Variants in RANBP2 observed in about 807,000 individuals in gnomAD.
RANBP2 encodes the protein RAN binding protein 2, also known as E3 SUMO-protein ligase RanBP2.
Under a neutral mutation model 303.6 loss-of-function variants are expected in RANBP2, and 57 were observed. The ratio of observed to expected loss-of-function variants is 0.19; its 90% CI spans 0.15 to 0.23. The LOEUF (loss-of-function observed/expected upper bound fraction) is 0.23, where lower values mean the gene tolerates loss of function less well. RANBP2 is among the 10% of genes least tolerant of loss of function. The pLI, the probability that RANBP2 is intolerant of heterozygous loss-of-function variation, is 1.00. For missense variants in RANBP2, 3,138 were observed against 3,780.8 expected (o/e 0.83, Z 4.46); for synonymous variants, 1,167 against 1,301.5 (o/e 0.90, Z 2.23).
At chr2:109,190,186 T>A in the RANBP2 span, among the ~76,000 whole-genome samples, 1 of 152,236 alleles carries the variant, frequency 6.6e-6, no homozygotes, top group Non-Finnish European at 1.5e-5. Context: ...TATTTTTTTT[T>A]TTTTGAGACG....
the RANBP2 span, among the ~76,000 whole-genome samples, chr2:109,136,932 C>T: frequency 6.6e-6 from 1 of 152,166 alleles, no homozygotes; most frequent in East Asian, 1.9e-4. Context: ...CATCTTTACC[C>T]TGGTTCAAGG....
the RANBP2 span, among the ~76,000 whole-genome samples, chr2:108,872,038 A>G: frequency 5.9e-5 from 9 of 152,224 alleles, no homozygotes; most frequent in South Asian, 1.7e-3. Flanking sequence ...CACCAATTTA[A>G]AGAGGTACTT....
chr2:109,107,400 C>G, the RANBP2 span, among the ~76,000 whole-genome samples: 1 of 152,114 alleles, frequency 6.6e-6, no homozygotes, highest in African/African-American at 2.4e-5. Context: ...AGCCAGTATG[C>G]TGGCCGAGTA....
chr2:109,181,361 T>C, the RANBP2 span, among the ~76,000 whole-genome samples: 1 of 152,176 alleles, frequency 6.6e-6, no homozygotes, highest in African/African-American at 2.4e-5. Flanking sequence ...AATTACAGGT[T>C]TTACCAGGGT....
the RANBP2 span, among the ~76,000 whole-genome samples, chr2:108,857,482 G>A: frequency 3.9e-5 from 6 of 152,142 alleles, no homozygotes; most frequent in Non-Finnish European, 8.8e-5. Flanking sequence ...AACACAAGTA[G>A]AACTGAGACT....
chr2:109,012,422 T>C, the RANBP2 span, among the ~76,000 whole-genome samples: 1 of 152,104 alleles, frequency 6.6e-6, no homozygotes, highest in Non-Finnish European at 1.5e-5. Flanking sequence ...CCACAGAATC[T>C]ACCTTGAATC....
At chr2:109,012,777 G>A in the RANBP2 span, among the ~76,000 whole-genome samples, 7 of 152,200 alleles carry the variant, frequency 4.6e-5, no homozygotes, top group African/African-American at 1.4e-4. Context: ...AGCCGGGCGT[G>A]TTGGCGGGAG....
chr2:109,243,650 G>A, the RANBP2 span, among the ~76,000 whole-genome samples: 2 of 152,168 alleles, frequency 1.3e-5, no homozygotes, highest in Admixed American at 6.5e-5. Flanking sequence ...CTGAAGATAT[G>A]AGTGGTGAGA....
At chr2:108,989,817 G>C in the RANBP2 span, among the ~76,000 whole-genome samples, 15 of 151,534 alleles carry the variant, frequency 9.9e-5, no homozygotes, top group Non-Finnish European at 1.9e-4. Context: ...TAAATGATTG[G>C]GGGGGGGAAA....
At chr2:108,805,523 A>G in the RANBP2 span, among the ~76,000 whole-genome samples, 52 of 151,896 alleles carry the variant, frequency 3.4e-4, no homozygotes, top group Middle Eastern at 3.4e-3. Flanking sequence ...CAGGAGTTCG[A>G]GACCATCCTG....
At chr2:109,664,844 T>C in the RANBP2 span, among the ~76,000 whole-genome samples, 1 of 151,686 alleles carries the variant, frequency 6.6e-6, no homozygotes, top group Non-Finnish European at 1.5e-5. Context: ...GCAGGAGAAC[T>C]GCTTGAACCT....
chr2:109,623,245 C>G, the RANBP2 span, among the ~76,000 whole-genome samples: 1 of 152,154 alleles, frequency 6.6e-6, no homozygotes, highest in African/African-American at 2.4e-5. Flanking sequence ...GCCTGTAAAT[C>G]CCTAGTGGCC....
chr2:109,342,536 T>C, the RANBP2 span, among the ~76,000 whole-genome samples: 3 of 152,032 alleles, frequency 2.0e-5, no homozygotes, highest in Non-Finnish European at 4.4e-5. Context: ...ATCCTTAGGG[T>C]CTTAAACACA....
rs1479904023 is a variant in RANBP2, at chr2:108,765,166, A to G, written c.4627A>G (p.Lys1543Glu). The change falls in exon 20 of 29, where the codon AAG becomes GAG. Residue 1543 changes from lysine to glutamate, a missense_variant. This residue lies in a region of RANBP2 where 388 missense variants were observed against 328.5 expected (regional missense o/e 1.18). Transcript: ENST00000283195. ...KSGFEDMFAK[K>E]EGQWDCSSCL... ...TGGATTTGAAGACATGTTTGCTAAG[A>G]AGGAAGGACAGTGGGATTGCAGTTC... is the stretch of plus-strand genomic sequence containing the variant. 6.2e-7 allele frequency: 1 copy of G among 1,614,188 alleles called. No individual in the cohort carries two copies. Among genetic ancestry groups the G allele is most frequent in the Admixed American group, 1.7e-5 (1 of 60,028 alleles).
chr2:109,353,009 C>T, the RANBP2 span, among the ~76,000 whole-genome samples: 14 of 152,260 alleles, frequency 9.2e-5, no homozygotes, highest in African/African-American at 2.7e-4. Context: ...GCAGTCCTGG[C>T]CCTGGCCGCT....
chr2:109,711,792 C>T, the RANBP2 span, among the ~76,000 whole-genome samples: 5 of 152,248 alleles, frequency 3.3e-5, no homozygotes, highest in Admixed American at 6.5e-5. Context: ...CCCTTTGTCT[C>T]GGTCTATTTT....
At chr2:109,277,884 G>A in the RANBP2 span, among the ~76,000 whole-genome samples, 1 of 152,170 alleles carries the variant, frequency 6.6e-6, no homozygotes, top group Admixed American at 6.5e-5. Context: ...TCTGCTGAAA[G>A]GCATTTCAGG....
the RANBP2 span, among the ~76,000 whole-genome samples, chr2:109,361,118 A>G: frequency 1.3e-5 from 2 of 152,202 alleles, no homozygotes; most frequent in African/African-American, 4.8e-5. Flanking sequence ...TGGATATGAT[A>G]GGTTACATTT....
the RANBP2 span, among the ~76,000 whole-genome samples, chr2:109,438,956 G>A: frequency 6.6e-6 from 1 of 152,186 alleles, no homozygotes; most frequent in African/African-American, 2.4e-5. Flanking sequence ...GCACTAGAAA[G>A]GGTGAGTGGC....
Sources: gnomAD v4.1 joint callset for allele counts (sites outside exome capture counted in the v4.1 genomes callset) on GRCh38, gnomAD v4.1.1 for gene constraint, gnomAD v4.1.1 regional missense constraint, MANE v1.5 for transcripts, NCBI Gene and HGNC (gene_info 2026-07-23, HGNC 2026-07-21) for gene names.